AP4S1: variants seen among roughly 807,000 people sequenced by gnomAD.
The protein encoded by AP4S1 is adaptor related protein complex 4 subunit sigma 1.
AP4S1 carries 23 observed loss-of-function variants against 19.8 expected under a neutral mutation model. That is an observed-to-expected ratio of 1.16 (90% confidence interval 0.84 to 1.65). The LOEUF (loss-of-function observed/expected upper bound fraction) is 1.65, where lower values mean the gene tolerates loss of function less well. Among genes scored for constraint, AP4S1 ranks in the 40% most tolerant of loss-of-function variants. The pLI, the probability that AP4S1 is intolerant of heterozygous loss-of-function variation, is 0.00. For synonymous variants in AP4S1, 46 were observed against 54.1 expected (o/e 0.85, Z 0.66); for missense variants, 166 against 172.8 (o/e 0.96, Z 0.22).
intron 4 of AP4S1, among the ~76,000 whole-genome samples, chr14:31,075,546 T>C (rs552079446): frequency 6.6e-6 from 1 of 152,192 alleles, no homozygotes; most frequent in Non-Finnish European, 1.5e-5. Flanking sequence ...ATATACCTAA[T>C]CTACTTTCTG....
intron 4 of AP4S1, among the ~76,000 whole-genome samples, chr14:31,073,458 C>T (rs1386327592): frequency 2.0e-5 from 3 of 146,968 alleles, no homozygotes; most frequent in South Asian, 2.2e-4. Context: ...CCACTGCACT[C>T]CAGCCTGGGC....
intron 4 of AP4S1, among the ~76,000 whole-genome samples, chr14:31,077,275 C>T (rs1174402981): frequency 6.6e-6 from 1 of 151,950 alleles, no homozygotes; most frequent in African/African-American, 2.4e-5. Context: ...TTTTTCATTT[C>T]GCATTTAAAT....
chr14:31,064,734 A>G (rs1886622632), intron 1 of AP4S1, among the ~76,000 whole-genome samples: 1 of 152,202 alleles, frequency 6.6e-6, no homozygotes, highest in Non-Finnish European at 1.5e-5. Context: ...AAGCAGGAGG[A>G]TCACTTGAGC....
intron 1 of AP4S1, among the ~76,000 whole-genome samples, chr14:31,048,456 C>T (rs544597107): frequency 6.6e-5 from 10 of 152,198 alleles, no homozygotes; most frequent in African/African-American, 2.4e-4. Flanking sequence ...GGACCACGCA[C>T]AGTGACTCAC....
At chr14:31,038,067 A>C (rs1884882549) in intron 1 of AP4S1, among the ~76,000 whole-genome samples, 1 of 152,224 alleles carries the variant, frequency 6.6e-6, no homozygotes, top group African/African-American at 2.4e-5. Flanking sequence ...CAAGCAGGCC[A>C]CCTGAAAAGT....
chr14:31,085,805 C>G, intron 5 of AP4S1: 1 of 978,814 alleles, frequency 1.0e-6, no homozygotes, highest in Non-Finnish European at 1.2e-6. Context: ...TTACAACATT[C>G]CTGTTTGTAT....
intron 1 of AP4S1, chr14:31,026,005 G>C (rs1241917292): frequency 6.4e-7 from 1 of 1,554,876 alleles, no homozygotes; most frequent in Non-Finnish European, 8.7e-7. Context: ...GTGTACTGCT[G>C]CGGCCGGGAC....
intron 1 of AP4S1, among the ~76,000 whole-genome samples, chr14:31,062,073 A>T (rs1028291903): frequency 3.3e-5 from 5 of 152,090 alleles, no homozygotes; most frequent in Non-Finnish European, 2.9e-5. Context: ...GTGAATGGGA[A>T]GATTTTTTTA....
chr14:31,069,122 C>T (rs1251393204), intron 2 of AP4S1, among the ~76,000 whole-genome samples: 1 of 152,114 alleles, frequency 6.6e-6, no homozygotes, highest in Non-Finnish European at 1.5e-5. Context: ...GAAGAGTAAC[C>T]TTGTGCTTCT....
intron 1 of AP4S1, among the ~76,000 whole-genome samples, chr14:31,047,326 G>T (rs1031022332): frequency 1.3e-5 from 2 of 150,558 alleles, no homozygotes; most frequent in Non-Finnish European, 3.0e-5. Flanking sequence ...GGGTTTTCTT[G>T]TGGTGTGTGG....
chr14:31,083,761 T>G, intron 5 of AP4S1: 1 of 338,198 alleles, frequency 3.0e-6, no homozygotes, highest in South Asian at 2.3e-5. Flanking sequence ...CCTCCTGCCT[T>G]GGCCTCCCAA....
At chr14:31,074,184 G>A (rs1247515253) in intron 4 of AP4S1, among the ~76,000 whole-genome samples, 1 of 151,610 alleles carries the variant, frequency 6.6e-6, no homozygotes, top group African/African-American at 2.4e-5. Context: ...AAATTAGTTG[G>A]GCATGGTGGC....
chr14:31,051,080 C>T (rs1284966113), intron 1 of AP4S1, among the ~76,000 whole-genome samples: 1 of 151,774 alleles, frequency 6.6e-6, no homozygotes, highest in Non-Finnish European at 1.5e-5. Context: ...CAAAGCAAGA[C>T]CCCATCTCCA....
At chr14:31,071,298 C>T (rs1170201841) in intron 3 of AP4S1, among the ~76,000 whole-genome samples, 1 of 152,044 alleles carries the variant, frequency 6.6e-6, no homozygotes, top group Non-Finnish European at 1.5e-5. Context: ...AAAATGATGG[C>T]ATGAAGAGCC....
At chr14:31,089,593 A>G (rs1480999500) in intron 5 of AP4S1, among the ~76,000 whole-genome samples, 2 of 152,236 alleles carry the variant, frequency 1.3e-5, no homozygotes, top group Non-Finnish European at 2.9e-5. Flanking sequence ...TCATGATGGA[A>G]AAGTGTTTTA....
intron 5 of AP4S1, chr14:31,085,137 C>G (rs181223974): frequency 1.6e-6 from 2 of 1,268,316 alleles, no homozygotes; most frequent in African/African-American, 3.0e-5. Context: ...ATGTCTGCTT[C>G]GCCAGCACCC....
intron 1 of AP4S1, chr14:31,026,343 G>T: frequency 1.5e-6 from 1 of 649,230 alleles, no homozygotes; most frequent in Non-Finnish European, 2.3e-6. Flanking sequence ...AGAGCAGGGA[G>T]CTGCCGGCTG....
intron 3 of AP4S1, 82 bp from the exon 4 acceptor site, chr14:31,072,822 TG>T: frequency 8.6e-7 from 1 of 1,158,678 alleles, no homozygotes; most frequent in Non-Finnish European, 1.3e-6. Flanking sequence ...CTCTAAAACC[TG>T]GACACTGACT....
At chr14:31,044,114 G>A (rs910859556) in intron 1 of AP4S1, among the ~76,000 whole-genome samples, 13 of 152,066 alleles carry the variant, frequency 8.5e-5, no homozygotes, top group African/African-American at 2.9e-4. Context: ...GTATGTATGT[G>A]ACACAAAAAG....
Sources: allele counts gnomAD v4.1 joint callset (sites outside exome capture counted in the v4.1 genomes callset), GRCh38; gene constraint gnomAD v4.1.1; transcripts MANE v1.5; gene names NCBI Gene and HGNC (gene_info 2026-07-23, HGNC 2026-07-21).